PGBD5: variants seen among roughly 807,000 people sequenced by gnomAD.
PGBD5 encodes the protein piggyBac transposable element-derived protein 5.
Under a neutral mutation model 47.9 loss-of-function variants are expected in PGBD5, and 14 were observed. That is an observed-to-expected ratio of 0.29 (90% CI 0.19 to 0.46). The LOEUF is 0.46. PGBD5 is among the 20% of genes least tolerant of loss of function. PGBD5 has a pLI of 1.00. For synonymous variants in PGBD5, 316 were observed against 306.3 expected, an observed-to-expected ratio of 1.03 and a Z score of -0.33; for missense variants, 635 against 716.0, an observed-to-expected ratio of 0.89 and a Z score of 1.29.
intron 1 of PGBD5, among the ~76,000 whole-genome samples, chr1:230,383,620 C>T (rs1263994132): frequency 1.3e-5 from 2 of 152,112 alleles, no homozygotes; most frequent in African/African-American, 4.8e-5. Flanking sequence ...ATCCTCCCAC[C>T]CCACCGCATC....
chr1:230,368,072 T>C (rs1667869524), intron 1 of PGBD5: 7 of 1,367,928 alleles, frequency 5.1e-6, no homozygotes, highest in Non-Finnish European at 6.8e-6. Flanking sequence ...TCTTTTTAGC[T>C]CTGTGGTTGC....
At chr1:230,328,573 C>T (rs572560517) in intron 5 of PGBD5, among the ~76,000 whole-genome samples, 58 of 152,184 alleles carry the variant, frequency 3.8e-4, no homozygotes, top group Non-Finnish European at 6.3e-4. Flanking sequence ...TCGTGGTGGA[C>T]GCTGTATTCA....
At chr1:230,404,081 A>G (rs762845106) in intron 1 of PGBD5, among the ~76,000 whole-genome samples, 1 of 152,276 alleles carries the variant, frequency 6.6e-6, no homozygotes, top group Non-Finnish European at 1.5e-5. Context: ...CAAGACCAGG[A>G]AAGAACAGAG....
intron 2 of PGBD5, among the ~76,000 whole-genome samples, chr1:230,353,066 C>G (rs935945026): frequency 6.6e-6 from 1 of 152,162 alleles, no homozygotes; most frequent in Non-Finnish European, 1.5e-5. Context: ...ATTTCTGACC[C>G]TCAATGATCT....
chr1:230,371,790 C>A (rs949588009), intron 1 of PGBD5, among the ~76,000 whole-genome samples: 16 of 152,222 alleles, frequency 1.1e-4, no homozygotes, highest in African/African-American at 3.9e-4. Context: ...AGAGCTTGCA[C>A]AAATCACTCA....
chr1:230,356,918 AG>A lies in PGBD5; in HGVS notation c.734del (p.Ser245LeufsTer15), dbSNP rs1167292878. The part of the protein sequence containing the change: ...FLDSLQNSFD[S>X]AFRPSQTQVL... ...CCTGGGTTTGGGAAGGCCTGAAGGC[AG>A]AGTCGAAGCTGTTCTGCAGGGAGTC... On this transcript the variant is annotated frameshift_variant, in exon 2 of 7. Coordinates refer to ENST00000391860, the MANE Select transcript of PGBD5 (RefSeq NM_001258311.2). LOFTEE classifies it high-confidence loss of function. 3 of 1,613,798 alleles carry A rather than the reference AG, an allele frequency of 1.9e-6. No homozygotes were observed. Among genetic ancestry groups the A allele is most frequent in the East Asian group, 2.2e-5 (1 of 44,870 alleles).
At chr1:230,367,927 G>A (rs1325842974) in intron 1 of PGBD5, 1 of 1,358,100 alleles carries the variant, frequency 7.4e-7, no homozygotes, top group Non-Finnish European at 9.8e-7. Context: ...AAGAGAACTT[G>A]CTCAAGGTCA....
intron 1 of PGBD5, among the ~76,000 whole-genome samples, chr1:230,387,660 G>A (rs1002440253): frequency 1.3e-5 from 2 of 152,218 alleles, no homozygotes; most frequent in East Asian, 1.9e-4. Flanking sequence ...ATGGCTTGTA[G>A]AAGGGTGGTG....
At chr1:230,356,865 C>A in intron 2 of PGBD5, 29 bp downstream of exon 2, 1 of 1,596,822 alleles carries the variant, frequency 6.3e-7, no homozygotes, top group Non-Finnish European at 8.6e-7. Context: ...GACACCTGGA[C>A]AAGCTCTTAC....
At chr1:230,373,407 G>A (rs1218970647) in intron 1 of PGBD5, among the ~76,000 whole-genome samples, 4 of 152,152 alleles carry the variant, frequency 2.6e-5, no homozygotes, top group African/African-American at 9.7e-5. Context: ...CCCTGCCTGG[G>A]GCCTGTGACT....
At position 230,320,456 on chromosome 1, in the gene PGBD5, G is replaced by A. The variant is rs755123338; in HGVS notation, c.*2969C>T. The A allele has an allele frequency of 2.0e-5, 3 of 152,182 alleles. No homozygotes were observed. The highest frequency in any genetic ancestry group is 4.4e-5 in the Non-Finnish European group (3 of 68,042). The allele number at this position is 152,182 out of a possible 1,614,324, so 9.4% of individuals were successfully genotyped here. ...TTTGCATAAGGCTGGGAAGCTCATT[G>A]CTCCATCTTTTTTTTCCAGAGCCTG... is the stretch of plus-strand genomic sequence containing the variant. On this transcript the variant is annotated 3_prime_UTR_variant, in exon 7 of 7. Transcript: ENST00000391860.
chr1:230,416,634 C>T (rs375907138), intron 1 of PGBD5, among the ~76,000 whole-genome samples: 2 of 152,130 alleles, frequency 1.3e-5, no homozygotes, highest in Non-Finnish European at 2.9e-5. Flanking sequence ...AAGAACATTC[C>T]GGGCAAGGGC....
chr1:230,401,439 C>A (rs1657136658), intron 1 of PGBD5, among the ~76,000 whole-genome samples: 1 of 152,222 alleles, frequency 6.6e-6, no homozygotes, highest in South Asian at 2.1e-4. Context: ...CCTGATCTGG[C>A]CTGTTGCTTG....
rs79289566 is a variant in PGBD5 at position 230,333,163 on chromosome 1, G to T, written c.1076-122C>A. 1,574 of 1,028,696 alleles carry T rather than the reference G, an allele frequency of 1.5e-3. 15 individuals carry two copies. The African/African-American group carries it at 0.021, about 14-fold the overall frequency. 63.7% of individuals were successfully genotyped at this position (1,028,696 alleles called of 1,614,324 possible). A position where few individuals can be genotyped will look rare whatever the true frequency, so the allele number is the denominator to read the frequency against. ...CCGGTTCTGAGGCTGATGCTTGGGA[G>T]TCAGACCCTCTAGAGACCCCTCTAG... On this transcript the variant is annotated intron_variant, in intron 4 of 6. Transcript: ENST00000391860.
At chr1:230,417,677 T>G (rs2102754102) in intron 1 of PGBD5, among the ~76,000 whole-genome samples, 1 of 152,262 alleles carries the variant, frequency 6.6e-6, no homozygotes, top group South Asian at 2.1e-4. Context: ...TGCCGCCTCT[T>G]CTCCAACCCA....
intron 6 of PGBD5, 35 bp downstream of exon 6, chr1:230,325,275 G>A (rs771845069): frequency 1.4e-6 from 2 of 1,454,372 alleles, no homozygotes; most frequent in South Asian, 1.2e-5. Context: ...ACAACTATGA[G>A]AGCCCTTCTG....
Position 230,357,340 on chromosome 1 carries a change from T to C in PGBD5, c.332-19A>G, listed in dbSNP as rs540482771. The C allele has an allele frequency of 2.5e-6, 4 of 1,608,084 alleles. No homozygotes were observed. The African/African-American group carries it at 4.0e-5, about 16-fold the overall frequency. On this transcript the variant is annotated intron_variant, in intron 1 of 6. Coordinates refer to ENST00000391860, the MANE Select transcript of PGBD5 (RefSeq NM_001258311.2). This position sits in a 1 kb window ranked among gnomAD's most constrained non-coding sequence, Gnocchi z 5.7. ...GTGGGACCTGAAACCCAAAGACAGG[T>C]GGAGTGTTCCTTAGGACGGCCGCCA...
At chr1:230,377,453 G>T (rs1668030380) in intron 1 of PGBD5, 3 of 1,593,740 alleles carry the variant, frequency 1.9e-6, no homozygotes, top group African/African-American at 1.3e-5. Context: ...TGGATGAAAA[G>T]ATCTCTTGCC....
intron 1 of PGBD5, among the ~76,000 whole-genome samples, chr1:230,401,309 C>A (rs907402927): frequency 1.3e-5 from 2 of 152,194 alleles, no homozygotes; most frequent in African/African-American, 4.8e-5. Flanking sequence ...GCGCTCATGG[C>A]GGGTCAGCAT....
Sources: gnomAD v4.1 joint callset for allele counts (sites outside exome capture counted in the v4.1 genomes callset) on GRCh38, gnomAD v4.1.1 for gene constraint, Gnocchi (gnomAD v3.1) non-coding constraint, MANE v1.5 for transcripts, NCBI Gene and HGNC (gene_info 2026-07-23, HGNC 2026-07-21) for gene names.